The following C1orf167 variants were observed in gnomAD, a reference collection of about 807,000 sequenced individuals.
C1orf167 encodes the protein chromosome 1 open reading frame 167.
C1orf167 carries 153 observed loss-of-function variants against 176.5 expected under a neutral mutation model. That is an observed-to-expected ratio of 0.87 (90% CI 0.76 to 0.99). The LOEUF (loss-of-function observed/expected upper bound fraction) is 0.99. Ranked by LOEUF, C1orf167 falls within the 50% of genes least tolerant of loss-of-function variation. The pLI, the probability that C1orf167 is intolerant of heterozygous loss-of-function variation, is 0.00. For synonymous variants in C1orf167, 594 were observed against 752.7 expected, an observed-to-expected ratio of 0.79 and a Z score of 3.45; for missense variants, 1,490 against 1,817.7, an observed-to-expected ratio of 0.82 and a Z score of 3.28.
chr1:11,762,952 A>C (rs1642583652), intron 1 of C1orf167, among the ~76,000 whole-genome samples: 1 of 152,156 alleles, frequency 6.6e-6, no homozygotes, highest in South Asian at 2.1e-4. Context: ...CTGCAGTTGG[A>C]GAGACAGTGG....
Position 11,762,290 on chromosome 1 carries a change from A to G in C1orf167, c.-86A>G. 2.5e-6 allele frequency: 1 copy of G among 400,740 alleles called. No individual in the cohort carries two copies. The highest frequency in any genetic ancestry group is 1.8e-5 in the South Asian group (1 of 56,092). 24.8% of individuals were successfully genotyped at this position (400,740 alleles called of 1,614,324 possible). The stretch of plus-strand genomic sequence containing the variant: ...ATCCGACTGGGTGAAGGAGGACCCG[A>G]GGAGGACCCACGCACGTGAGGGCAG... On this transcript the variant is annotated 5_prime_UTR_variant, in exon 1 of 21. Transcript: ENST00000688073.
In C1orf167 at chr1:11,764,321, C is replaced by T. The variant is rs1323434113; in HGVS notation, c.-70-10C>T. On this transcript the variant is annotated splice_polypyrimidine_tract_variant and intron_variant, in intron 1 of 20. Coordinates refer to ENST00000688073, the MANE Select transcript of C1orf167 (RefSeq NM_001010881.2). ...AATGAGAGCCAGGGCAACCTGTCCT[C>T]TCCCCGCAGGGCCCATCTGATTAAA... is the stretch of plus-strand genomic sequence containing the variant. 1 of 1,143,622 alleles carries T rather than the reference C, an allele frequency of 8.7e-7. No homozygotes were observed. Among genetic ancestry groups the T allele is most frequent in the Non-Finnish European group, 1.2e-6 (1 of 856,356 alleles). The allele number at this position is 1,143,622 out of a possible 1,614,324, so 70.8% of individuals were successfully genotyped here.
chr1:11,785,437 C>A, intron 16 of C1orf167, 148 bp downstream of exon 16: 1 of 957,036 alleles, frequency 1.0e-6, no homozygotes, highest in Non-Finnish European at 1.4e-6. Flanking sequence ...GGACCACCGG[C>A]CTTAGAATCA....
In C1orf167 at chr1:11,776,605, G is replaced by C; in HGVS notation, c.2306G>C (p.Trp769Ser). 8 of 1,206,084 alleles carry C rather than the reference G, an allele frequency of 6.6e-6. No individual in the cohort carries two copies. Among genetic ancestry groups the C allele is most frequent in the Non-Finnish European group, 8.5e-6 (8 of 941,484 alleles). The allele number at this position is 1,206,084 out of a possible 1,614,324, so 74.7% of individuals were successfully genotyped here. Residue 769 changes from tryptophan to serine, a missense_variant, in exon 10 of 21, where the codon TGG (tryptophan) becomes TCG (serine). Coordinates refer to ENST00000688073, the MANE Select transcript of C1orf167 (RefSeq NM_001010881.2). ...GCCCTCTGCTGGGCGCTGCTGCTGT[G>C]GAAGATGCGGCTTTTCCAGCGCCAG... ...TLALCWALLL[W>S]KMRLFQRQWA...
At chr1:11,764,171 C>A (rs1461345656) in intron 1 of C1orf167, among the ~76,000 whole-genome samples, 160 bp from the exon 2 acceptor site, 1 of 152,084 alleles carries the variant, frequency 6.6e-6, no homozygotes, top group Non-Finnish European at 1.5e-5. Flanking sequence ...ATAAGTAGGG[C>A]AGGGAGAGGA....
intron 6 of C1orf167, 139 bp from the exon 7 acceptor site, chr1:11,771,385 G>A (rs1243040719): frequency 1.1e-5 from 4 of 363,290 alleles, no homozygotes; most frequent in Non-Finnish European, 2.2e-5. Context: ...AAAATAAACT[G>A]TCCAGAAGAG....
rs185609005 is a variant in C1orf167, at chr1:11,763,750, C to T, written c.-70-581C>T. 8.5e-5 allele frequency among the ~76,000 whole-genome samples: 13 copies of T among 152,240 alleles called. No homozygotes were observed. The South Asian group carries it at 1.7e-3, about 19-fold the overall frequency. Reference sequence around the variant, plus strand: ...AAGAGGAGGCTGTCGGGCGTGAGGACGAGGCAGAATAAGGGTGACCAGTTG... The same window carrying T: ...AAGAGGAGGCTGTCGGGCGTGAGGATGAGGCAGAATAAGGGTGACCAGTTG... On this transcript the variant is annotated intron_variant, in intron 1 of 20. Transcript: ENST00000688073.
intron 20 of C1orf167, 101 bp from the exon 21 acceptor site, chr1:11,789,169 G>C: frequency 8.6e-7 from 1 of 1,157,564 alleles, no homozygotes; most frequent in East Asian, 5.8e-5. Context: ...GAGGGGCCCT[G>C]GGGACAAAAG....
chr1:11,780,118 A>G, intron 13 of C1orf167, 108 bp downstream of exon 13: 1 of 833,030 alleles, frequency 1.2e-6, no homozygotes, highest in Non-Finnish European at 1.6e-6. Flanking sequence ...CGCATGGGAG[A>G]ACTTGAGGCA....
intron 20 of C1orf167, 128 bp from the exon 21 acceptor site, chr1:11,789,142 G>C (rs1644001664): frequency 6.5e-6 from 6 of 918,612 alleles, no homozygotes; most frequent in Non-Finnish European, 8.8e-6. Context: ...AGACTGGCTG[G>C]CTGCTTGGGG....
At position 11,789,301 on chromosome 1, in the gene C1orf167, C is replaced by G. The variant is rs112233669; in HGVS notation, c.4205C>G (p.Ala1402Gly). The change falls in exon 21 of 21, where the codon GCC (alanine) becomes GGC (glycine). Residue 1402 changes from alanine (A) to glycine (G), a missense_variant. Coordinates refer to ENST00000688073, the MANE Select transcript of C1orf167 (RefSeq NM_001010881.2). ...AAGAAGTGGCACCAACGCCTGGCAG[C>G]CAGGAGCCCAAGGAGAGGAGCTGCC... ...AFKKWHQRLA[A>G]RSPRRGAASS... 1 of 1,304,084 alleles carries G rather than the reference C, an allele frequency of 7.7e-7. No homozygotes were observed. Among genetic ancestry groups the G allele is most frequent in the Non-Finnish European group, 1.0e-6 (1 of 988,908 alleles). 80.8% of individuals were successfully genotyped at this position (1,304,084 alleles called of 1,614,324 possible). A position where few individuals can be genotyped will look rare whatever the true frequency, so the allele number is the denominator to read the frequency against.
chr1:11,768,991 C>G lies in C1orf167; in HGVS notation c.1561C>G (p.Gln521Glu). ...GAGCCAGTGGAGAAACCTGGCTTTA[C>G]AGCAGAAACAAGTACAGCCCCACAT... is the stretch of plus-strand genomic sequence containing the variant. ...SFREWRNLAL[Q>E]QKQVQPHMQA... Residue 521 changes from glutamine to glutamate, a missense_variant, in exon 6 of 21, where the codon CAG (glutamine) becomes GAG (glutamate). Physicochemically the swap from Gln to Glu is conservative, Grantham distance 29 (BLOSUM62 2). Coordinates refer to ENST00000688073, the MANE Select transcript of C1orf167 (RefSeq NM_001010881.2). The surrounding 1 kb of genome is among the most constrained non-coding windows in gnomAD (Gnocchi z 4.5). The G allele has an allele frequency of 1.0e-6, 1 of 985,938 alleles. No homozygotes were observed. Among genetic ancestry groups the G allele is most frequent in the South Asian group, 4.7e-5 (1 of 21,286 alleles). The allele number at this position is 985,938 out of a possible 1,614,324, so 61.1% of individuals were successfully genotyped here.
intron 14 of C1orf167, 114 bp downstream of exon 14, chr1:11,782,447 T>G (rs1454309305): frequency 2.9e-6 from 3 of 1,034,996 alleles, no homozygotes; most frequent in Non-Finnish European, 3.7e-6. Context: ...GCCTGTGGCC[T>G]GGGAAAAAAG....
At chr1:11,765,282 C>T (rs996860605) in intron 2 of C1orf167, among the ~76,000 whole-genome samples, 4 of 152,024 alleles carry the variant, frequency 2.6e-5, no homozygotes, top group East Asian at 1.9e-4. Context: ...CAGAGCCTCC[C>T]GGTACCTCAT....
intron 6 of C1orf167, 113 bp downstream of exon 6, chr1:11,769,240 C>T (rs868607095): frequency 3.5e-6 from 3 of 860,122 alleles, no homozygotes; most frequent in Non-Finnish European, 2.8e-6. Flanking sequence ...CAGATGTGGG[C>T]AAAGATTTAT....
chr1:11,771,045 G>GTATATATATATATATA (rs1557726743), intron 6 of C1orf167, among the ~76,000 whole-genome samples: 2 of 68,642 alleles, frequency 2.9e-5, no homozygotes, highest in African/African-American at 1.1e-4. Context: ...GTGTGTGTGT[G>GTATATATATATATATA]TGTGTATATA....
At chr1:11,784,069 G>T in intron 14 of C1orf167, 105 bp from the exon 15 acceptor site, 2 of 1,059,860 alleles carry the variant, frequency 1.9e-6, no homozygotes, top group Non-Finnish European at 2.5e-6. Flanking sequence ...CGTTGGTCAG[G>T]CTGGTCTCAA....
intron 14 of C1orf167, among the ~76,000 whole-genome samples, chr1:11,783,633 A>G (rs141694908): frequency 6.6e-6 from 1 of 152,218 alleles, no homozygotes; most frequent in African/African-American, 2.4e-5. Context: ...GATGGGAGGC[A>G]GGGCATGGCT....
At position 11,784,542 on chromosome 1, in the gene C1orf167, C is replaced by T. The variant is rs1196692015; in HGVS notation, c.3374C>T (p.Ser1125Phe). ...TGCTGGGCTCTGTGGGTGCATGAGT[C>T]CTGTCGGGGCCAGGTCAGCCGAGCC... Reference protein sequence around the residue: ...TWCWALWVHESCRGQVSRAHA... With the variant: ...TWCWALWVHEFCRGQVSRAHA... Residue 1125 changes from serine to phenylalanine, a missense_variant, in exon 15 of 21, where the codon TCC becomes TTC. Physicochemically the swap from Ser to Phe is radical, Grantham distance 155. Coordinates refer to ENST00000688073, the MANE Select transcript of C1orf167 (RefSeq NM_001010881.2). 2 of 1,288,988 alleles carry T rather than the reference C, an allele frequency of 1.6e-6. No individual in the cohort carries two copies. Among genetic ancestry groups the T allele is most frequent in the Non-Finnish European group, 2.0e-6 (2 of 981,490 alleles). The allele number at this position is 1,288,988 out of a possible 1,614,324, so 79.8% of individuals were successfully genotyped here.
Sources: allele counts gnomAD v4.1 joint callset (sites outside exome capture counted in the v4.1 genomes callset), GRCh38; gene constraint gnomAD v4.1.1; non-coding constraint Gnocchi (gnomAD v3.1); transcripts MANE v1.5; gene names NCBI Gene and HGNC (gene_info 2026-07-23, HGNC 2026-07-21).